KLHL13: variants seen among roughly 807,000 people sequenced by gnomAD.
KLHL13 encodes the protein kelch like family member 13, also known as kelch-like protein 13.
Under a neutral mutation model 37.1 loss-of-function variants are expected in KLHL13, and 10 were observed. The ratio of observed to expected loss-of-function variants is 0.27; its 90% CI spans 0.17 to 0.46. KLHL13 has a LOEUF of 0.46. Among genes scored for constraint, KLHL13 ranks in the 20% least tolerant of loss-of-function variants. The probability of loss-of-function intolerance (pLI) is 1.00; values close to 1 mark genes in which losing one functional copy is unlikely to be tolerated. For missense variants in KLHL13, 360 were observed against 509.3 expected, an observed-to-expected ratio of 0.71 and a Z score of 2.82; for synonymous variants, 163 against 181.2, an observed-to-expected ratio of 0.90 and a Z score of 0.81.
intron 1 of KLHL13, among the ~76,000 whole-genome samples, chrX:118,067,389 T>C (rs1032106001): frequency 9.0e-6 from 1 of 111,611 alleles, no homozygotes; most frequent in East Asian, 2.8e-4. Flanking sequence ...GCCTAGGACA[T>C]TACTGTATAC....
intron 4 of KLHL13, among the ~76,000 whole-genome samples, chrX:117,916,505 C>G (rs760850970): frequency 2.7e-5 from 3 of 112,265 alleles, no homozygotes; most frequent in African/African-American, 9.7e-5. Flanking sequence ...GGGAGGTTGG[C>G]TCTTGTTCCA....
At chrX:117,998,440 G>C (rs1427780713) in intron 1 of KLHL13, among the ~76,000 whole-genome samples, 1 of 110,672 alleles carries the variant, frequency 9.0e-6, no homozygotes, top group Admixed American at 9.7e-5. Context: ...CAGGAAATTG[G>C]AGTAATGAGA....
At chrX:118,068,964 T>C (rs144739684) in intron 1 of KLHL13, among the ~76,000 whole-genome samples, 1,793 of 110,379 alleles carry the variant, frequency 0.016, 38 homozygotes, top group African/African-American at 0.055. Flanking sequence ...GGGGAACCCA[T>C]ACTTTGGCAG....
At chrX:118,089,959 T>C (rs1162324362) in intron 1 of KLHL13, among the ~76,000 whole-genome samples, 2 of 108,593 alleles carry the variant, frequency 1.8e-5, no homozygotes, top group African/African-American at 3.4e-5. Flanking sequence ...CGTGTGCCTA[T>C]AGTCCCAGCT....
At chrX:117,933,149 C>T (rs1194206329) in intron 2 of KLHL13, among the ~76,000 whole-genome samples, 1 of 110,504 alleles carries the variant, frequency 9.0e-6, no homozygotes, top group Non-Finnish European at 1.9e-5. Flanking sequence ...AGTACTTTCT[C>T]CCATTCTGTA....
rs184323097 is a variant in KLHL13 at position 118,043,325 on chromosome X, C to A, written c.-56+73183G>T. ...CCAAACCTTTCCAGAAGAAATAATG[C>A]CAATCCTACTCAAACTATTCCAAAT... On this transcript the variant is annotated intron_variant, in intron 1 of 6. Transcript: ENST00000371882. Among the ~76,000 whole-genome samples, 37 of 111,316 alleles carry A rather than the reference C, an allele frequency of 3.3e-4. No individual in the cohort carries two copies. In the East Asian group the frequency reaches 0.01, roughly 31 times the overall value.
At chrX:118,061,480 T>C (rs2148094122) in intron 1 of KLHL13, among the ~76,000 whole-genome samples, 1 of 111,330 alleles carries the variant, frequency 9.0e-6, no homozygotes, top group African/African-American at 3.3e-5. Flanking sequence ...TGTATACTAA[T>C]ACAGGTAGAT....
chrX:117,963,057 T>G (rs2053332213), intron 1 of KLHL13, among the ~76,000 whole-genome samples: 1 of 112,291 alleles, frequency 8.9e-6, no homozygotes, highest in Admixed American at 9.5e-5. Context: ...CTGTTATACA[T>G]GCTAGATTAA....
chrX:117,973,135 T>G (rs774006975), exon 1 of KLHL13: 3 of 963,876 alleles, frequency 3.1e-6, no homozygotes, highest in Non-Finnish European at 3.9e-6. Flanking sequence ...CAATGCAGCT[T>G]TATTTAATAA....
At chrX:117,994,807 C>A (rs779684199) in intron 1 of KLHL13, among the ~76,000 whole-genome samples, 64 of 112,443 alleles carry the variant, frequency 5.7e-4, no homozygotes, top group Non-Finnish European at 1.1e-3. Context: ...CACAGTGGCT[C>A]ACGCCTGTAA....
intron 1 of KLHL13, among the ~76,000 whole-genome samples, chrX:117,981,127 C>T (rs2053656319): frequency 8.9e-6 from 1 of 112,018 alleles, no homozygotes; most frequent in South Asian, 3.7e-4. Context: ...TAGACTCTAG[C>T]TGAAAAGTAT....
intron 1 of KLHL13, chrX:117,947,956 G>C (rs1933402950): frequency 8.9e-6 from 1 of 112,116 alleles, no homozygotes; most frequent in Admixed American, 9.4e-5. Context: ...AAAAATAACA[G>C]TTTTTAATCT....
intron 6 of KLHL13, among the ~76,000 whole-genome samples, chrX:117,901,571 C>G (rs1329259711): frequency 9.4e-6 from 1 of 106,543 alleles, no homozygotes; most frequent in Non-Finnish European, 1.9e-5. Context: ...GTGGCGCAAT[C>G]TCGGCTCACT....
chrX:118,091,231 G>A (rs1602715988), intron 1 of KLHL13, among the ~76,000 whole-genome samples: 1 of 110,028 alleles, frequency 9.1e-6, no homozygotes, highest in African/African-American at 3.3e-5. Context: ...ATACATATGT[G>A]ACAAACCTGC....
chrX:117,960,293 T>C (rs5956824), intron 1 of KLHL13, among the ~76,000 whole-genome samples: 6,855 of 110,896 alleles, frequency 0.062, 522 homozygotes, highest in African/African-American at 0.21. Flanking sequence ...AGCCAGACAA[T>C]GTCTAGAAAG....
In KLHL13 at chrX:117,992,234, T is replaced by TAAAAAAAAAAA. The variant is rs773486522; in HGVS notation, c.-55-46670_-55-46660dup. On this transcript the variant is annotated intron_variant, in intron 1 of 6. Transcript: ENST00000371882. ...ACTTTCTCTTAGAGAAACTGAGATG[T>TAAAAAAAAAAA]AAAAAAAAAAAAAAAGGTGCAGAAA... Among the ~76,000 whole-genome samples the TAAAAAAAAAAA allele has an allele frequency of 8.1e-4, 68 of 83,973 alleles. 1 individual carries two copies. The highest frequency in any genetic ancestry group is 2.7e-3 in the African/African-American group (60 of 21,849). 72.9% of individuals were successfully genotyped at this position (83,973 alleles called of 115,157 possible).
At chrX:118,006,306 G>A (rs1383444348) in intron 1 of KLHL13, among the ~76,000 whole-genome samples, 1 of 111,256 alleles carries the variant, frequency 9.0e-6, no homozygotes, top group East Asian at 2.8e-4. Flanking sequence ...TACCAAAGAA[G>A]GGTTTTATTT....
At chrX:118,078,984 G>A (rs1342606031) in intron 1 of KLHL13, among the ~76,000 whole-genome samples, 2 of 109,107 alleles carry the variant, frequency 1.8e-5, no homozygotes, top group Non-Finnish European at 3.8e-5. Flanking sequence ...GGTTCCTAGG[G>A]GTATCTCATA....
Position 118,109,070 on chromosome X carries a change from C to T in KLHL13, c.-56+7438G>A, listed in dbSNP as rs185376780. The stretch of plus-strand genomic sequence containing the variant: ...GGCTCAAGCAATGCTCCCGCCTAGG[C>T]GTCCCAAAGTGTTGGGATAACAGGA... On this transcript the variant is annotated intron_variant, in intron 1 of 6. Coordinates refer to the KLHL13 transcript ENST00000371882. 8.0e-5 allele frequency among the ~76,000 whole-genome samples: 9 copies of T among 112,174 alleles called. No individual in the cohort carries two copies. In the Admixed American group the frequency reaches 8.4e-4, roughly 11 times the overall value.
Sources: allele counts gnomAD v4.1 joint callset (sites outside exome capture counted in the v4.1 genomes callset), GRCh38; gene constraint gnomAD v4.1.1; transcripts MANE v1.5; gene names NCBI Gene and HGNC (gene_info 2026-07-23, HGNC 2026-07-21).